The following RPS6KA3 variants were observed in gnomAD, a reference collection of about 807,000 sequenced individuals.
RPS6KA3 encodes ribosomal protein S6 kinase A3.
In RPS6KA3, 4 loss-of-function variants were observed where a neutral mutation model predicts 67.2. That is an observed-to-expected ratio of 0.06 (90% CI 0.03 to 0.14). The LOEUF (loss-of-function observed/expected upper bound fraction) is 0.14, where lower values mean the gene tolerates loss of function less well. RPS6KA3 is among the 10% of genes least tolerant of loss of function. The pLI is 1.00. For synonymous variants in RPS6KA3, 182 were observed against 183.7 expected, an observed-to-expected ratio of 0.99 and a Z score of 0.07; for missense variants, 204 against 559.0, an observed-to-expected ratio of 0.36 and a Z score of 6.40.
At chrX:20,261,660 TACAC>T (rs944533091) in intron 1 of RPS6KA3, among the ~76,000 whole-genome samples, 7 of 112,514 alleles carry the variant, frequency 6.2e-5, no homozygotes, top group Non-Finnish European at 1.1e-4. Flanking sequence ...ATAAAACACA[TACAC>T]ACACAGACAC....
intron 4 of RPS6KA3, among the ~76,000 whole-genome samples, chrX:20,202,213 C>T (rs774852184): frequency 9.1e-6 from 1 of 109,448 alleles, no homozygotes; most frequent in South Asian, 3.9e-4. Flanking sequence ...GAACTCCTGA[C>T]CTCAGGTGAT....
rs1188602245 is a variant in RPS6KA3, at chrX:20,154,780, T to C, written c.*618A>G. The C allele has an allele frequency of 8.7e-6, 1 of 114,545 alleles. No individual in the cohort carries two copies. The highest frequency in any genetic ancestry group is 1.8e-5 in the Non-Finnish European group (1 of 54,452). 9.4% of individuals were successfully genotyped at this position (114,545 alleles called of 1,213,427 possible). A position where few individuals can be genotyped will look rare whatever the true frequency, so the allele number is the denominator to read the frequency against. On this transcript the variant is annotated 3_prime_UTR_variant, in exon 22 of 22. Coordinates refer to ENST00000379565, the MANE Select transcript of RPS6KA3 (RefSeq NM_004586.3). ...TACATTCAACAGCTGTTCCACAATC[T>C]GGCCATTTTTAGGACTGTCCAACAA...
At chrX:20,207,010 T>C (rs1404621384) in intron 3 of RPS6KA3, among the ~76,000 whole-genome samples, 2 of 111,923 alleles carry the variant, frequency 1.8e-5, no homozygotes, top group African/African-American at 6.5e-5. Context: ...TAAGAATTCA[T>C]CTTTATCGTA....
At chrX:20,197,975 T>C (rs993238225) in intron 4 of RPS6KA3, among the ~76,000 whole-genome samples, 5 of 112,115 alleles carry the variant, frequency 4.5e-5, no homozygotes, top group African/African-American at 1.6e-4. Flanking sequence ...CCTAGGACTA[T>C]GCATTAAGAA....
rs1408040322 is a variant in RPS6KA3 at position 20,153,614 on chromosome X, T to C, written c.*1784A>G. Reference sequence around the variant, plus strand: ...ACTAACAAAAATCTGTATGAGTACATTCTTTTTTTTTTTTTTCCTTCTTGA... The same window carrying C: ...ACTAACAAAAATCTGTATGAGTACACTCTTTTTTTTTTTTTTCCTTCTTGA... On this transcript the variant is annotated 3_prime_UTR_variant, in exon 22 of 22. Transcript: ENST00000379565. The C allele has an allele frequency of 9.1e-6, 1 of 110,047 alleles. No homozygotes were observed. Among genetic ancestry groups the C allele is most frequent in the Non-Finnish European group, 1.9e-5 (1 of 52,591 alleles). 9.1% of individuals were successfully genotyped at this position (110,047 alleles called of 1,213,427 possible). A position where few individuals can be genotyped will look rare whatever the true frequency, so the allele number is the denominator to read the frequency against.
At chrX:20,189,206 C>T (rs1308195877) in intron 7 of RPS6KA3, among the ~76,000 whole-genome samples, 4 of 111,748 alleles carry the variant, frequency 3.6e-5, no homozygotes, top group Admixed American at 2.9e-4. Context: ...CCTCCCTTCA[C>T]TATACATATT....
intron 1 of RPS6KA3, among the ~76,000 whole-genome samples, chrX:20,245,005 C>T (rs1488131458): frequency 1.8e-5 from 2 of 111,896 alleles, no homozygotes; most frequent in Non-Finnish European, 3.8e-5. Context: ...GAAAACATGA[C>T]TTGCCACTAC....
At chrX:20,248,766 C>A (rs1879756945) in intron 1 of RPS6KA3, among the ~76,000 whole-genome samples, 1 of 112,259 alleles carries the variant, frequency 8.9e-6, no homozygotes, top group Non-Finnish European at 1.9e-5. Context: ...ACCTACTTCA[C>A]CCCAGTGGTA....
intron 2 of RPS6KA3, among the ~76,000 whole-genome samples, chrX:20,209,745 G>T (rs2068662638): frequency 9.0e-6 from 1 of 111,612 alleles, no homozygotes; most frequent in African/African-American, 3.3e-5. Context: ...ATTGGGTGGG[G>T]GCAGAGGGTG....
intron 4 of RPS6KA3, among the ~76,000 whole-genome samples, chrX:20,196,234 C>T (rs776809235): frequency 8.8e-6 from 1 of 113,022 alleles, no homozygotes; most frequent in Non-Finnish European, 1.9e-5. Flanking sequence ...TTTACTACTG[C>T]GCCAAGGCGA....
chrX:20,170,898 C>T (rs2067556762), intron 15 of RPS6KA3, among the ~76,000 whole-genome samples: 1 of 110,937 alleles, frequency 9.0e-6, no homozygotes. Flanking sequence ...TCTCAGCCTC[C>T]TGAGTAGCTG....
intron 1 of RPS6KA3, among the ~76,000 whole-genome samples, chrX:20,236,143 G>C (rs752967164): frequency 9.0e-6 from 1 of 110,685 alleles, no homozygotes; most frequent in East Asian, 2.8e-4. Flanking sequence ...AACTCTGGAA[G>C]GATATACACC....
Position 20,176,507 on chromosome X carries a change from A to G in RPS6KA3, c.935-9T>C. 1 of 1,154,930 alleles carries G rather than the reference A, an allele frequency of 8.7e-7. No homozygotes were observed. The highest frequency in any genetic ancestry group is 1.2e-6 in the Non-Finnish European group (1 of 844,833). ...TCCATCTGGTCCTGCACCTATCAAAAATGGATTCACTGATAATTTTATTTC... is the reference window on the plus strand; with the variant it reads ...TCCATCTGGTCCTGCACCTATCAAAGATGGATTCACTGATAATTTTATTTC... On this transcript the variant is annotated splice_polypyrimidine_tract_variant and intron_variant, in intron 11 of 21. Coordinates refer to ENST00000379565, the MANE Select transcript of RPS6KA3 (RefSeq NM_004586.3).
At chrX:20,182,301 G>C (rs926279925) in intron 10 of RPS6KA3, among the ~76,000 whole-genome samples, 16 of 111,730 alleles carry the variant, frequency 1.4e-4, no homozygotes, top group Non-Finnish European at 2.1e-4. Flanking sequence ...GAATCATATA[G>C]TACTTTTTCT....
At chrX:20,223,331 C>T (rs1485249144) in intron 2 of RPS6KA3, among the ~76,000 whole-genome samples, 2 of 111,310 alleles carry the variant, frequency 1.8e-5, no homozygotes, top group Non-Finnish European at 3.8e-5. Flanking sequence ...TTAAAGACCA[C>T]AGAGTGATCT....
intron 14 of RPS6KA3, among the ~76,000 whole-genome samples, chrX:20,173,591 T>C (rs1440645464): frequency 4.5e-5 from 5 of 112,137 alleles, no homozygotes; most frequent in Admixed American, 3.8e-4. Context: ...ATATGAGACA[T>C]CCATGCCTAT....
intron 20 of RPS6KA3, among the ~76,000 whole-genome samples, chrX:20,156,706 T>C (rs2067195043): frequency 9.0e-6 from 1 of 110,530 alleles, no homozygotes; most frequent in African/African-American, 3.3e-5. Flanking sequence ...TGGCTAACTT[T>C]TATGTTTTTA....
intron 10 of RPS6KA3, among the ~76,000 whole-genome samples, chrX:20,180,057 C>T (rs965343752): frequency 3.6e-4 from 40 of 109,643 alleles, no homozygotes; most frequent in Non-Finnish European, 7.2e-4. Flanking sequence ...CCACTGCATT[C>T]GAGTCTGGGC....
chrX:20,226,840 C>G (rs2069134337), intron 2 of RPS6KA3, among the ~76,000 whole-genome samples: 1 of 111,341 alleles, frequency 9.0e-6, no homozygotes, highest in Non-Finnish European at 1.9e-5. Flanking sequence ...TCAGATATTA[C>G]CTTTAGACAC....
Sources: allele counts gnomAD v4.1 joint callset (sites outside exome capture counted in the v4.1 genomes callset), GRCh38; gene constraint gnomAD v4.1.1; transcripts MANE v1.5; gene names NCBI Gene and HGNC (gene_info 2026-07-23, HGNC 2026-07-21).